Variants in NRG1 observed in about 807,000 individuals in gnomAD.
The protein encoded by NRG1 is neuregulin 1, also known as pro-neuregulin-1, membrane-bound isoform.
Under a neutral mutation model 63.8 loss-of-function variants are expected in NRG1, and 18 were observed. That is an observed-to-expected ratio of 0.28 (90% CI 0.19 to 0.42). The LOEUF is 0.42. Ranked by LOEUF, NRG1 falls within the 10% of genes least tolerant of loss-of-function variation. NRG1 has a pLI of 1.00. For missense variants in NRG1, 762 were observed against 814.7 expected, an observed-to-expected ratio of 0.94 and a Z score of 0.79; for synonymous variants, 302 against 301.3, an observed-to-expected ratio of 1.00 and a Z score of -0.02.
intron 1 of NRG1, among the ~76,000 whole-genome samples, chr8:32,379,113 C>T (rs146259774): frequency 8.0e-4 from 121 of 152,064 alleles, no homozygotes; most frequent in Middle Eastern, 3.4e-3. Context: ...TATCTATTTG[C>T]CATCTCCTGG....
rs535078850 is a variant in NRG1 at position 32,480,941 on chromosome 8, A to G, written c.38-114887A>G. On this transcript the variant is annotated intron_variant, in intron 1 of 10. Transcript: ENST00000519301. ...TTCCAACACTGCGGGTTACATTTCA[A>G]CATGAGATTTAAAACCATGTCAGTA... is the stretch of plus-strand genomic sequence containing the variant. Among the ~76,000 whole-genome samples, 5 of 152,338 alleles carry G rather than the reference A, an allele frequency of 3.3e-5. No homozygotes were observed. In the South Asian group the frequency reaches 1.0e-3, roughly 32 times the overall value.
At chr8:32,313,701 T>C (rs537079268) in intron 1 of NRG1, among the ~76,000 whole-genome samples, 2 of 152,280 alleles carry the variant, frequency 1.3e-5, no homozygotes, top group Non-Finnish European at 2.9e-5. Context: ...TTAACACACA[T>C]ATATATTTCT....
At chr8:32,336,713 G>A (rs1400102478) in intron 1 of NRG1, among the ~76,000 whole-genome samples, 2 of 152,138 alleles carry the variant, frequency 1.3e-5, no homozygotes, top group Admixed American at 6.5e-5. Flanking sequence ...AGGTTCCAGC[G>A]ATTCTCCTGC....
chr8:32,524,544 T>C (rs1830631298), intron 1 of NRG1, among the ~76,000 whole-genome samples: 1 of 151,924 alleles, frequency 6.6e-6, no homozygotes, highest in Non-Finnish European at 1.5e-5. Context: ...ATCCAAAGCC[T>C]TTCTCACAGT....
chr8:32,199,017 C>A (rs1357889471), intron 1 of NRG1, among the ~76,000 whole-genome samples: 1 of 152,024 alleles, frequency 6.6e-6, no homozygotes, highest in Non-Finnish European at 1.5e-5. Context: ...TTGTTCACTG[C>A]AGAGCCAAGT....
chr8:31,823,845 T>C (rs1252063722), intron 1 of NRG1, among the ~76,000 whole-genome samples: 1 of 152,130 alleles, frequency 6.6e-6, no homozygotes, highest in Non-Finnish European at 1.5e-5. Context: ...CATTTCAAAA[T>C]GGGAACAGAA....
chr8:31,729,508 A>G (rs1813801054), intron 1 of NRG1, among the ~76,000 whole-genome samples: 1 of 152,188 alleles, frequency 6.6e-6, no homozygotes, highest in Admixed American at 6.6e-5. Context: ...GTCTAAATAT[A>G]CCACTGAATG....
intron 1 of NRG1, among the ~76,000 whole-genome samples, chr8:31,838,122 C>T (rs1051946709): frequency 1.3e-5 from 2 of 151,978 alleles, no homozygotes; most frequent in Non-Finnish European, 2.9e-5. Context: ...TTTACATCCT[C>T]GCCAGCATAA....
chr8:31,928,041 C>T (rs1585831304), intron 1 of NRG1, among the ~76,000 whole-genome samples: 1 of 146,824 alleles, frequency 6.8e-6, no homozygotes, highest in African/African-American at 2.5e-5. Flanking sequence ...TTTTATTATG[C>T]AAATTTCCTC....
chr8:31,973,891 G>T (rs1427322009), intron 1 of NRG1, among the ~76,000 whole-genome samples: 3 of 152,138 alleles, frequency 2.0e-5, no homozygotes, highest in African/African-American at 7.2e-5. Context: ...GTATTGAAAA[G>T]CTATGAAAGA....
chr8:31,695,581 C>T (rs1410175657), intron 1 of NRG1, among the ~76,000 whole-genome samples: 1 of 152,208 alleles, frequency 6.6e-6, no homozygotes, highest in African/African-American at 2.4e-5. Context: ...CCACCAGATC[C>T]CTGTCCCAAC....
chr8:31,763,270 T>A (rs534825390), intron 1 of NRG1, among the ~76,000 whole-genome samples: 51 of 152,368 alleles, frequency 3.3e-4, no homozygotes, highest in African/African-American at 1.2e-3. Context: ...TACTTGCTTA[T>A]ACTTTCATTA....
chr8:32,020,818 T>G (rs998579131), intron 1 of NRG1, among the ~76,000 whole-genome samples: 1 of 152,238 alleles, frequency 6.6e-6, no homozygotes, highest in South Asian at 2.1e-4. Flanking sequence ...TATGAACTGT[T>G]ATAATGCTTT....
intron 1 of NRG1, among the ~76,000 whole-genome samples, chr8:32,444,046 C>G (rs1311826472): frequency 7.0e-6 from 1 of 143,370 alleles, no homozygotes; most frequent in African/African-American, 2.6e-5. Flanking sequence ...TCCTTCCTTT[C>G]TTTTTCTTTC....
At chr8:32,257,848 G>A (rs921935309) in intron 1 of NRG1, among the ~76,000 whole-genome samples, 2 of 152,138 alleles carry the variant, frequency 1.3e-5, no homozygotes, top group African/African-American at 4.8e-5. Context: ...CACTGTATAA[G>A]AAATAGTAAT....
At chr8:31,957,279 A>G (rs1005894206) in intron 1 of NRG1, among the ~76,000 whole-genome samples, 3 of 151,590 alleles carry the variant, frequency 2.0e-5, no homozygotes. Flanking sequence ...TTTTTACTGT[A>G]ACACACACAT....
Position 32,174,033 on chromosome 8 carries a change from A to G in NRG1, c.38-421795A>G, listed in dbSNP as rs550776769. ...ACTCTCCACCCCAAATCAACAGAAT[A>G]TACATTCTTCTCAGCACCACACCAC... On this transcript the variant is annotated intron_variant, in intron 1 of 10. Coordinates refer to the NRG1 transcript ENST00000519301. Among the ~76,000 whole-genome samples, 8 of 152,330 alleles carry G rather than the reference A, an allele frequency of 5.3e-5. No homozygotes were observed. In the East Asian group the frequency reaches 1.5e-3, roughly 29 times the overall value.
At chr8:32,051,809 C>T (rs751167223) in intron 1 of NRG1, among the ~76,000 whole-genome samples, 7 of 152,168 alleles carry the variant, frequency 4.6e-5, no homozygotes, top group Non-Finnish European at 7.3e-5. Flanking sequence ...GACCAGCACA[C>T]ATGAGCTGGT....
At chr8:32,541,034 T>C (rs1015615155) in intron 1 of NRG1, among the ~76,000 whole-genome samples, 4 of 152,190 alleles carry the variant, frequency 2.6e-5, no homozygotes, top group African/African-American at 9.7e-5. Context: ...TGAATGAGAA[T>C]TGAAAGACAT....
Sources: gnomAD v4.1 joint callset for allele counts (sites outside exome capture counted in the v4.1 genomes callset) on GRCh38, gnomAD v4.1.1 for gene constraint, MANE v1.5 for transcripts, NCBI Gene and HGNC (gene_info 2026-07-23, HGNC 2026-07-21) for gene names.